LMO3: variants seen among roughly 807,000 people sequenced by gnomAD.
LMO3 encodes LIM domain only protein 3.
LMO3 carries 2 observed loss-of-function variants against 15.8 expected under a neutral mutation model. The ratio of observed to expected loss-of-function variants is 0.13; its 90% CI spans 0.05 to 0.40. The LOEUF is 0.40. Ranked by LOEUF, LMO3 falls within the 10% of genes least tolerant of loss-of-function variation. The pLI is 0.99. For missense variants in LMO3, 86 were observed against 182.2 expected (o/e 0.47, Z 3.04); for synonymous variants, 62 against 63.8 (o/e 0.97, Z 0.13).
intron 2 of LMO3, chr12:16,594,313 C>G: frequency 7.1e-7 from 1 of 1,414,258 alleles, no homozygotes; most frequent in Middle Eastern, 1.8e-4. Context: ...ATACACAAAC[C>G]AATTTTTATA....
Position 16,599,643 on chromosome 12 carries a change from C to T in LMO3, c.206+1012G>A, listed in dbSNP as rs1041865767. The stretch of plus-strand genomic sequence containing the variant: ...ATTAAATATGAAAATCCCAATGATG[C>T]CATATATCATTTCTCTAATTTGATA... On this transcript the variant is annotated intron_variant, in intron 2 of 3. Coordinates refer to ENST00000537304, the MANE Select transcript of LMO3 (RefSeq NM_018640.5). This position sits in a 1 kb window ranked among gnomAD's most constrained non-coding sequence, Gnocchi z 4.1. The T allele has an allele frequency of 2.0e-5, 3 of 152,044 alleles. No homozygotes were observed. The highest frequency in any genetic ancestry group is 7.3e-5 in the African/African-American group (3 of 41,378). 9.4% of individuals were successfully genotyped at this position (152,044 alleles called of 1,614,324 possible).
chr12:16,599,706 G>A lies in LMO3; in HGVS notation c.206+949C>T, dbSNP rs891374394. 6.6e-6 allele frequency: 1 copy of A among 152,154 alleles called. No individual in the cohort carries two copies. Among genetic ancestry groups the A allele is most frequent in the African/African-American group, 2.4e-5 (1 of 41,434 alleles). The allele number at this position is 152,154 out of a possible 1,614,324, so 9.4% of individuals were successfully genotyped here. ...TTAATATAAGTAATTTGCAGCTGAA[G>A]TAAGTCACAAAGTTGCCTGAAAAGC... On this transcript the variant is annotated intron_variant, in intron 2 of 3. Transcript: ENST00000537304. The surrounding 1 kb of genome is among the most constrained non-coding windows in gnomAD (Gnocchi z 4.1).
At position 16,548,469 on chromosome 12, in the gene LMO3, T is replaced by A. The variant is rs1941869983; in HGVS notation, c.*2753A>T. On this transcript the variant is annotated 3_prime_UTR_variant, in exon 4 of 4. Coordinates refer to ENST00000537304, the MANE Select transcript of LMO3 (RefSeq NM_018640.5). The surrounding 1 kb of genome is among the most constrained non-coding windows in gnomAD (Gnocchi z 4.2). The stretch of plus-strand genomic sequence containing the variant: ...TTATTAAGCAAGATGAAAGTGAAAT[T>A]ACAAACACAGGTCAACTTTTAAACT... The A allele has an allele frequency of 6.6e-6, 1 of 152,152 alleles. No homozygotes were observed. The highest frequency in any genetic ancestry group is 1.5e-5 in the Non-Finnish European group (1 of 68,024). 9.4% of individuals were successfully genotyped at this position (152,152 alleles called of 1,614,324 possible). A position where few individuals can be genotyped will look rare whatever the true frequency, so the allele number is the denominator to read the frequency against.
chr12:16,598,864 C>G lies in LMO3; in HGVS notation c.206+1791G>C, dbSNP rs561859425. Reference sequence around the variant, plus strand: ...CCAGATATTTCAGTTGACATTCTTTCAAGTTTACTTAATTTTTGTCCTTTG... The same window carrying G: ...CCAGATATTTCAGTTGACATTCTTTGAAGTTTACTTAATTTTTGTCCTTTG... On this transcript the variant is annotated intron_variant, in intron 2 of 3. Transcript: ENST00000537304. The surrounding 1 kb of genome is among the most constrained non-coding windows in gnomAD (Gnocchi z 4.3). 3 of 212,662 alleles carry G rather than the reference C, an allele frequency of 1.4e-5. No homozygotes were observed. In the South Asian group the frequency reaches 1.8e-4, roughly 13 times the overall value. 13.2% of individuals were successfully genotyped at this position (212,662 alleles called of 1,614,324 possible).
intron 1 of LMO3, chr12:16,605,349 C>T: frequency 8.6e-7 from 1 of 1,160,732 alleles, no homozygotes; most frequent in Non-Finnish European, 1.1e-6. Flanking sequence ...AAATGTGCTG[C>T]ATCAGTTTGA....
chr12:16,608,893 A>C (rs551787872), upstream of LMO3, among the ~76,000 whole-genome samples: 1 of 152,352 alleles, frequency 6.6e-6, no homozygotes, highest in Admixed American at 6.5e-5. The surrounding 1 kb of genome is among the most constrained non-coding windows in gnomAD (Gnocchi z 4.1). Flanking sequence ...TCTTCTTTTC[A>C]TTATGACTGA....
intron 3 of LMO3, among the ~76,000 whole-genome samples, chr12:16,552,137 C>T (rs979720016): frequency 2.0e-5 from 3 of 151,906 alleles, no homozygotes; most frequent in African/African-American, 7.2e-5. Context: ...GTATGATTTC[C>T]CCACGGTGAC....
intron 2 of LMO3, among the ~76,000 whole-genome samples, chr12:16,575,188 C>A (rs1293053075): frequency 6.6e-6 from 1 of 152,146 alleles, no homozygotes; most frequent in Non-Finnish European, 1.5e-5. Context: ...TCCCTATTCT[C>A]TTTTGCAGCT....
intron 3 of LMO3, among the ~76,000 whole-genome samples, chr12:16,553,291 T>G (rs1942061515): frequency 6.6e-6 from 1 of 152,136 alleles, no homozygotes; most frequent in Non-Finnish European, 1.5e-5. Context: ...CAGGCCTTTT[T>G]GGATTCAAGA....
Position 16,582,975 on chromosome 12 carries a change from A to G in LMO3, c.206+17680T>C, listed in dbSNP as rs1383817169. ...TGCAGGAAAATCTCTTGAAGCTGGGAGGCAGAGGTTGTAGTGAGCTGAGAT... is the reference window on the plus strand; with the variant it reads ...TGCAGGAAAATCTCTTGAAGCTGGGGGGCAGAGGTTGTAGTGAGCTGAGAT... On this transcript the variant is annotated intron_variant, in intron 2 of 3. Transcript: ENST00000537304. This position sits in a 1 kb window ranked among gnomAD's most constrained non-coding sequence, Gnocchi z 4.1. 6.9e-6 allele frequency among the ~76,000 whole-genome samples: 1 copy of G among 145,420 alleles called. No homozygotes were observed. Among genetic ancestry groups the G allele is most frequent in the Non-Finnish European group, 1.5e-5 (1 of 67,202 alleles).
intron 2 of LMO3, among the ~76,000 whole-genome samples, chr12:16,590,612 A>T (rs1243833085): frequency 6.6e-6 from 1 of 151,998 alleles, no homozygotes; most frequent in Non-Finnish European, 1.5e-5. Context: ...TTAAAAAAAA[A>T]AATCGGTATC....
chr12:16,560,343 C>A lies in LMO3; in HGVS notation c.332+70G>T. The A allele has an allele frequency of 6.7e-7, 1 of 1,481,714 alleles. No homozygotes were observed. Among genetic ancestry groups the A allele is most frequent in the Non-Finnish European group, 9.1e-7 (1 of 1,093,808 alleles). The allele number at this position is 1,481,714 out of a possible 1,614,324, so 91.8% of individuals were successfully genotyped here. A position where few individuals can be genotyped will look rare whatever the true frequency, so the allele number is the denominator to read the frequency against. ...GCTTTAAATGTATGAATATAATTTC[C>A]ACCTATTAAATAAATAGCCAGCACA... On this transcript the variant is annotated intron_variant, in intron 3 of 3. Transcript: ENST00000537304. The surrounding 1 kb of genome is among the most constrained non-coding windows in gnomAD (Gnocchi z 5.0).
At chr12:16,577,502 T>A (rs2137503938) in intron 2 of LMO3, among the ~76,000 whole-genome samples, 1 of 152,208 alleles carries the variant, frequency 6.6e-6, no homozygotes, top group East Asian at 1.9e-4. Context: ...CCTTCTACCC[T>A]CCAGTCAATA....
chr12:16,572,389 TTTAA>T (rs768104594), intron 2 of LMO3, among the ~76,000 whole-genome samples: 18 of 138,420 alleles, frequency 1.3e-4, no homozygotes, highest in East Asian at 8.6e-4. Context: ...CAGTGCTGAC[TTTAA>T]TTAACGATTT....
At chr12:16,562,894 T>C (rs371795874) in intron 2 of LMO3, among the ~76,000 whole-genome samples, 12 of 152,330 alleles carry the variant, frequency 7.9e-5, no homozygotes, top group African/African-American at 2.9e-4. Flanking sequence ...ACAAAACAGT[T>C]CTCTGACGTT....
intron 2 of LMO3, among the ~76,000 whole-genome samples, chr12:16,563,630 T>TTA (rs1358660648): frequency 2.0e-5 from 3 of 152,306 alleles, no homozygotes; most frequent in Non-Finnish European, 4.4e-5. Context: ...GTTTATAAAG[T>TTA]TATCATAGAT....
intron 2 of LMO3, among the ~76,000 whole-genome samples, chr12:16,570,332 C>A (rs116036440): frequency 1.1e-4 from 16 of 152,126 alleles, no homozygotes; most frequent in African/African-American, 3.6e-4. Context: ...TCTTTTTCAT[C>A]CTTTTCTTTC....
chr12:16,552,084 T>G (rs1942009291), intron 3 of LMO3, among the ~76,000 whole-genome samples: 2 of 152,092 alleles, frequency 1.3e-5, no homozygotes, highest in African/African-American at 4.8e-5. Flanking sequence ...TAAAGCATTG[T>G]TTAATGTGCA....
intron 2 of LMO3, among the ~76,000 whole-genome samples, chr12:16,577,815 T>A (rs1481088859): frequency 1.3e-5 from 2 of 152,204 alleles, no homozygotes; most frequent in African/African-American, 4.8e-5. Flanking sequence ...GTTCTCTGGA[T>A]CAATTTAACA....
Sources: allele counts gnomAD v4.1 joint callset (sites outside exome capture counted in the v4.1 genomes callset), GRCh38; gene constraint gnomAD v4.1.1; non-coding constraint Gnocchi (gnomAD v3.1); transcripts MANE v1.5; gene names NCBI Gene and HGNC (gene_info 2026-07-23, HGNC 2026-07-21).